The following SMG1 variants were observed in gnomAD, a reference collection of about 807,000 sequenced individuals.
The protein encoded by SMG1 is serine/threonine-protein kinase SMG1.
SMG1 carries 22 observed loss-of-function variants against 419.9 expected under a neutral mutation model. The observed-to-expected ratio is 0.05, with a 90% CI of 0.04 to 0.07. The LOEUF (loss-of-function observed/expected upper bound fraction) is 0.07, where lower values mean the gene tolerates loss of function less well. SMG1 is among the 10% of genes least tolerant of loss of function. SMG1 has a pLI of 1.00. For synonymous variants in SMG1, 1,538 were observed against 1,553.5 expected (o/e 0.99, Z 0.23); for missense variants, 3,185 against 4,342.0 (o/e 0.73, Z 7.49).
At position 18,829,611 on chromosome 16, in the gene SMG1, A is replaced by G; in HGVS notation, c.9278T>C (p.Leu3093Pro). ...KAFTADFVRQ[L>P]LIGLPNQALG... is the part of the protein sequence containing the mutation. The stretch of plus-strand genomic sequence containing the variant: ...GGCTTGGTTGGGTAGCCCTATCAAG[A>G]GCTGCCTCACAAAGTCAGCTGTGAA... Residue 3093 changes from leucine to proline, a missense_variant, in exon 54 of 63, where the codon CTC becomes CCC. Physicochemically the swap from Leu to Pro is moderately conservative, Grantham distance 98. This residue lies in a region of SMG1 where 737 missense variants were observed against 846.6 expected (regional missense o/e 0.87). Transcript: ENST00000446231. 6.2e-7 allele frequency: 1 copy of G among 1,614,018 alleles called. No individual in the cohort carries two copies. The highest frequency in any genetic ancestry group is 8.5e-7 in the Non-Finnish European group (1 of 1,179,892).
In SMG1 at chr16:18,859,106, T is replaced by G. The variant is rs1400621061; in HGVS notation, c.4029A>C (p.Ser1343=). ...GPLRLSTLTV[S]QSLPVLSTLQ... is the part of the protein sequence containing the mutation. The stretch of plus-strand genomic sequence containing the variant: ...AGGTACTTAGAACTGGCAAAGACTG[T>G]GAAACTGTTAAAGTAGAAAGTCTCA... Residue 1343 remains serine (S), a synonymous_variant, in exon 28 of 63, where the codon TCA becomes TCC. Coordinates refer to ENST00000446231, the MANE Select transcript of SMG1 (RefSeq NM_015092.5). 13 of 1,529,786 alleles carry G rather than the reference T, an allele frequency of 8.5e-6. No individual in the cohort carries two copies. Among genetic ancestry groups the G allele is most frequent in the Admixed American group, 2.0e-5 (1 of 51,228 alleles). The allele number at this position is 1,529,786 out of a possible 1,614,324, so 94.8% of individuals were successfully genotyped here.
intron 6 of SMG1, 66 bp from the exon 7 acceptor site, chr16:18,885,732 T>A: frequency 6.7e-7 from 1 of 1,486,092 alleles, no homozygotes; most frequent in East Asian, 2.3e-5. Flanking sequence ...GCAAATTAGG[T>A]TCATTATTTA....
intron 51 of SMG1, among the ~76,000 whole-genome samples, chr16:18,831,768 A>ATAT (rs1555488285): frequency 1.1e-5 from 1 of 89,474 alleles, no homozygotes; most frequent in Non-Finnish European, 2.5e-5. Context: ...AAAAAAAAAA[A>ATAT]AAATACATAT....
chr16:18,898,144 T>C (rs558106915), intron 1 of SMG1, among the ~76,000 whole-genome samples: 3 of 152,330 alleles, frequency 2.0e-5, no homozygotes, highest in Admixed American at 2.0e-4. Context: ...AAACTTAGCA[T>C]GAGCTCAATC....
chr16:18,842,253 G>A lies in SMG1; in HGVS notation c.6421C>T (p.Leu2141Phe). ...CTCTTCCCATCTGATCCAAGAAAGAGAAGTTTCTTTGGCTTGGTTTTAGTC... is the reference window on the plus strand; with the variant it reads ...CTCTTCCCATCTGATCCAAGAAAGAAAAGTTTCTTTGGCTTGGTTTTAGTC... ...LPTKTKPKKL[L>F]FLGSDGKSYP... The change falls in exon 40 of 63, where the codon CTC (leucine) becomes TTC (phenylalanine). Residue 2141 changes from leucine to phenylalanine, a missense_variant. Around this residue, in one of 27 missense-constraint regions of SMG1, gnomAD observed 159 missense variants for 196.0 expected, o/e 0.81. Transcript: ENST00000446231. 1 of 1,613,984 alleles carries A rather than the reference G, an allele frequency of 6.2e-7. No individual in the cohort carries two copies. Among genetic ancestry groups the A allele is most frequent in the Non-Finnish European group, 8.5e-7 (1 of 1,179,840 alleles).
At chr16:18,815,388 C>T in intron 59 of SMG1, 52 bp downstream of exon 59, 10 of 1,578,522 alleles carry the variant, frequency 6.3e-6, no homozygotes, top group Non-Finnish European at 8.7e-6. Context: ...ACTTCTTATA[C>T]CAGTAGTTTT....
rs576304340 is a variant in SMG1 at position 18,869,986 on chromosome 16, T to C, written c.2501A>G (p.Asn834Ser). Reference protein sequence around the residue: ...IPLDVVLSNNNHTEIQEISLA... With the variant: ...IPLDVVLSNNSHTEIQEISLA... ...AGAAATTTCTTGAATTTCTGTGTGA[T>C]TGTTATTGCTGTAGACAGAAAATAA... The change falls in exon 19 of 63, where the codon AAT (asparagine) becomes AGT (serine). Residue 834 changes from asparagine (N) to serine (S), a missense_variant. Asn to Ser is a conservative substitution (Grantham distance 46). This residue lies in a region of SMG1 where 297 missense variants were observed against 491.0 expected (regional missense o/e 0.60). Transcript: ENST00000446231. The C allele has an allele frequency of 5.3e-5, 81 of 1,540,388 alleles. No homozygotes were observed. In the African/African-American group the frequency reaches 1.0e-3, roughly 19 times the overall value.
At chr16:18,817,195 A>T in intron 57 of SMG1, 96 bp downstream of exon 57, 1 of 1,002,016 alleles carries the variant, frequency 1.0e-6, no homozygotes, top group East Asian at 3.8e-5. Flanking sequence ...CATACAGTAT[A>T]TGCTCAACGA....
Position 18,819,487 on chromosome 16 carries a change from T to C in SMG1, c.9894+15A>G, listed in dbSNP as rs776975745. On this transcript the variant is annotated intron_variant, in intron 56 of 62. Transcript: ENST00000446231. ...TAAAAGTGAATACAAAGATGGTGCA[T>C]GTAAGTCACAATACCTGACTTGCTC... 12 of 1,607,888 alleles carry C rather than the reference T, an allele frequency of 7.5e-6. No individual in the cohort carries two copies. Among genetic ancestry groups the C allele is most frequent in the Non-Finnish European group, 8.5e-6 (10 of 1,176,844 alleles).
chr16:18,830,528 C>T (rs1024580550), intron 51 of SMG1, among the ~76,000 whole-genome samples, 159 bp from the exon 52 acceptor site: 4 of 152,156 alleles, frequency 2.6e-5, no homozygotes, highest in Admixed American at 2.6e-4. Flanking sequence ...GTGGCTCACG[C>T]CTGTAATCCA....
At position 18,849,211 on chromosome 16, in the gene SMG1, C is replaced by T. The variant is rs1027631762; in HGVS notation, c.5623+6G>A. 1 of 1,581,568 alleles carries T rather than the reference C, an allele frequency of 6.3e-7. No individual in the cohort carries two copies. On this transcript the variant is annotated splice_donor_region_variant and intron_variant, in intron 36 of 62. Transcript: ENST00000446231. ...CTCAAAGTAGCAATATTTGAATATT[C>T]CATACCTGAAGCCTGGGATTCACTA...
chr16:18,839,769 G>T lies in SMG1; in HGVS notation c.6874C>A (p.Pro2292Thr). 6.2e-7 allele frequency: 1 copy of T among 1,613,970 alleles called. No homozygotes were observed. The highest frequency in any genetic ancestry group is 8.5e-7 in the Non-Finnish European group (1 of 1,179,876). Residue 2292 changes from proline to threonine, a missense_variant, in exon 42 of 63, where the codon CCC (proline) becomes ACC (threonine). Coordinates refer to ENST00000446231, the MANE Select transcript of SMG1 (RefSeq NM_015092.5). The stretch of plus-strand genomic sequence containing the variant: ...AGCTCTTTGGCAAGGAGATTCGGGG[G>T]TGTGGCCTCCATTAACTCTTCCAAT... ...AVLEELMEATPPNLLAKELWS... is the reference protein window; with the variant it reads ...AVLEELMEATTPNLLAKELWS...
At position 18,838,008 on chromosome 16, in the gene SMG1, C is replaced by T. The variant is rs151070987; in HGVS notation, c.7413+6G>A. ...GACAATGACTTATTCCGTCACTGGG[C>T]TTCACCTTAATCTCAGCTACTCTAG... On this transcript the variant is annotated splice_donor_region_variant and intron_variant, in intron 45 of 62. Coordinates refer to ENST00000446231, the MANE Select transcript of SMG1 (RefSeq NM_015092.5). The T allele has an allele frequency of 2.0e-5, 33 of 1,613,388 alleles. No individual in the cohort carries two copies. The highest frequency in any genetic ancestry group is 2.7e-5 in the Non-Finnish European group (32 of 1,179,572).
Position 18,890,860 on chromosome 16 carries a change from T to A in SMG1, c.608+3A>T. ...TTAAACTGAACCATTATTAGTTACT[T>A]ACCTTTCATTAAGCACGTCATGTAC... On this transcript the variant is annotated splice_donor_region_variant and intron_variant, in intron 5 of 62. Coordinates refer to ENST00000446231, the MANE Select transcript of SMG1 (RefSeq NM_015092.5). 6.4e-7 allele frequency: 1 copy of A among 1,551,646 alleles called. No homozygotes were observed.
chr16:18,890,335 T>C (rs2036820187), intron 5 of SMG1, among the ~76,000 whole-genome samples: 1 of 152,086 alleles, frequency 6.6e-6, no homozygotes, highest in Non-Finnish European at 1.5e-5. Context: ...GACTAGCAAA[T>C]TAAAAAAAAT....
chr16:18,852,972 T>C (rs988223295), intron 31 of SMG1, among the ~76,000 whole-genome samples: 2 of 152,198 alleles, frequency 1.3e-5, no homozygotes, highest in African/African-American at 4.8e-5. Flanking sequence ...ACAAGACATA[T>C]CCTTTATGAA....
intron 39 of SMG1, 105 bp from the exon 40 acceptor site, chr16:18,842,559 T>G (rs2033984532): frequency 8.7e-7 from 1 of 1,150,726 alleles, no homozygotes; most frequent in Non-Finnish European, 1.2e-6. Context: ...CGGCGGCAGC[T>G]CATGCCTGTA....
chr16:18,838,743 C>T, intron 42 of SMG1, 54 bp from the exon 43 acceptor site: 1 of 1,159,580 alleles, frequency 8.6e-7, no homozygotes, highest in Non-Finnish European at 1.2e-6. Flanking sequence ...AAATTTCCCT[C>T]CAACATGGAC....
chr16:18,887,032 G>A (rs2036639407), intron 6 of SMG1, among the ~76,000 whole-genome samples: 1 of 152,112 alleles, frequency 6.6e-6, no homozygotes, highest in Non-Finnish European at 1.5e-5. Context: ...AAAACATTAT[G>A]GGGTGAACTG....
Sources: gnomAD v4.1 joint callset for allele counts (sites outside exome capture counted in the v4.1 genomes callset) on GRCh38, gnomAD v4.1.1 for gene constraint, gnomAD v4.1.1 regional missense constraint, MANE v1.5 for transcripts, NCBI Gene and HGNC (gene_info 2026-07-23, HGNC 2026-07-21) for gene names.